MDH1: variants seen among roughly 807,000 people sequenced by gnomAD.
MDH1 encodes the protein malate dehydrogenase 1, also known as malate dehydrogenase, cytoplasmic.
Under a neutral mutation model 38.7 loss-of-function variants are expected in MDH1, and 15 were observed. That is an observed-to-expected ratio of 0.39 (90% confidence interval 0.26 to 0.60). The LOEUF is 0.60. Ranked by LOEUF, MDH1 falls within the 20% of genes least tolerant of loss-of-function variation. The pLI is 0.56. For missense variants in MDH1, 368 were observed against 405.2 expected, an observed-to-expected ratio of 0.91 and a Z score of 0.79; for synonymous variants, 144 against 143.6, an observed-to-expected ratio of 1.00 and a Z score of -0.02.
intron 1 of MDH1, chr2:63,593,520 C>T (rs1709242265): frequency 2.1e-6 from 1 of 470,542 alleles, no homozygotes; most frequent in Admixed American, 2.4e-5. Context: ...GCTATCCATC[C>T]TTGTTTCGTC....
At chr2:63,606,206 A>AC (rs1266648321) in intron 8 of MDH1, among the ~76,000 whole-genome samples, 178 bp downstream of exon 8, 97 of 152,126 alleles carry the variant, frequency 6.4e-4, no homozygotes, top group African/African-American at 2.2e-3. Context: ...ACATAGTGAG[A>AC]CCCCCTCTCT....
chr2:63,595,493 A>G lies in MDH1; in HGVS notation c.173A>G (p.Gln58Arg). The change falls in exon 3 of 9, where the codon CAA becomes CGA. Residue 58 changes from glutamine to arginine, a missense_variant. Coordinates refer to ENST00000233114, the MANE Select transcript of MDH1 (RefSeq NM_005917.4). ...GVLDGVLMEL[Q>R]DCALPLLKDV... ...CTGGACGGTGTCCTAATGGAACTGC[A>G]AGACTGTGCCCTTCCCCTCCTGAAA... 2 of 1,611,930 alleles carry G rather than the reference A, an allele frequency of 1.2e-6. No homozygotes were observed. The highest frequency in any genetic ancestry group is 8.5e-7 in the Non-Finnish European group (1 of 1,178,022).
At chr2:63,594,056 G>A (rs1709255386) in intron 1 of MDH1, among the ~76,000 whole-genome samples, 1 of 152,094 alleles carries the variant, frequency 6.6e-6, no homozygotes, top group Non-Finnish European at 1.5e-5. Context: ...AAATGTTTTG[G>A]CTCAATGTAA....
chr2:63,602,556 AT>A (rs1036670540), intron 5 of MDH1, among the ~76,000 whole-genome samples: 27 of 151,834 alleles, frequency 1.8e-4, no homozygotes, highest in African/African-American at 5.3e-4. Context: ...ATATTCACTT[AT>A]TTTTTTCTGT....
chr2:63,597,436 A>G lies in MDH1; in HGVS notation c.237A>G (p.Lys79=), dbSNP rs760693236. Residue 79 remains lysine (K), a synonymous_variant, in exon 4 of 9, where the codon AAA becomes AAG. Transcript: ENST00000233114. ...IATDKEDVAF[K]DLDVAILVGS... Reference sequence around the variant, plus strand: ...CAGATAAAGAAGACGTTGCCTTCAAAGACCTGGATGTGGCCATTCTTGTGG... The same window carrying G: ...CAGATAAAGAAGACGTTGCCTTCAAGGACCTGGATGTGGCCATTCTTGTGG... 3 of 1,458,810 alleles carry G rather than the reference A, an allele frequency of 2.1e-6. No homozygotes were observed. Among genetic ancestry groups the G allele is most frequent in the Non-Finnish European group, 2.7e-6 (3 of 1,094,640 alleles). The allele number at this position is 1,458,810 out of a possible 1,614,324, so 90.4% of individuals were successfully genotyped here.
rs377751092 is a variant in MDH1, at chr2:63,598,918, A to G, written c.376-252A>G. Among the ~76,000 whole-genome samples the G allele has an allele frequency of 7.3e-5, 11 of 151,428 alleles. No individual in the cohort carries two copies. In the East Asian group the frequency reaches 1.2e-3, roughly 16 times the overall value. ...TACCAAAAAAAAAAAAAAAAAAGAT[A>G]TATGGGAGTCAGTCTCTGTAATATG... On this transcript the variant is annotated intron_variant, in intron 4 of 8. Coordinates refer to ENST00000233114, the MANE Select transcript of MDH1 (RefSeq NM_005917.4).
chr2:63,605,744 T>C, intron 7 of MDH1, 195 bp from the exon 8 acceptor site: 1 of 609,000 alleles, frequency 1.6e-6, no homozygotes, highest in Admixed American at 2.9e-5. Context: ...ACTTCACATA[T>C]GATATGGAAG....
chr2:63,597,701 C>T (rs912591335), intron 4 of MDH1, 127 bp downstream of exon 4: 12 of 824,492 alleles, frequency 1.5e-5, no homozygotes, highest in Non-Finnish European at 2.0e-5. Context: ...GTAAATACGG[C>T]TCTAGAGTTT....
chr2:63,597,279 C>T, intron 3 of MDH1, 120 bp from the exon 4 acceptor site: 2 of 1,248,464 alleles, frequency 1.6e-6, no homozygotes, highest in Non-Finnish European at 2.0e-6. Context: ...AAATGTATAT[C>T]AGTGTGATAT....
At chr2:63,591,131 C>T (rs79917717) in intron 1 of MDH1, among the ~76,000 whole-genome samples, 1 of 152,372 alleles carries the variant, frequency 6.6e-6, no homozygotes, top group East Asian at 1.9e-4. Context: ...GCAGGAAAGT[C>T]ATTGGTGCCC....
chr2:63,602,742 T>G (rs1221457445), intron 5 of MDH1, among the ~76,000 whole-genome samples: 1 of 152,096 alleles, frequency 6.6e-6, no homozygotes, highest in Non-Finnish European at 1.5e-5. Context: ...CCTCTATAAT[T>G]TTGTCATTTT....
Position 63,599,700 on chromosome 2 carries a change from G to T in MDH1, c.498+408G>T, listed in dbSNP as rs77976576. ...GTGTGGTTCTGCTTCTATTTTAGCTGCAGCTAAGCCATCAAATTCAGATTT... is the reference window on the plus strand; with the variant it reads ...GTGTGGTTCTGCTTCTATTTTAGCTTCAGCTAAGCCATCAAATTCAGATTT... On this transcript the variant is annotated intron_variant, in intron 5 of 8. Coordinates refer to ENST00000233114, the MANE Select transcript of MDH1 (RefSeq NM_005917.4). 8.4e-3 allele frequency: 1,282 copies of T among 152,358 alleles called. 4 individuals are homozygous for T. The highest frequency in any genetic ancestry group is 0.013 in the Non-Finnish European group (900 of 68,120). 9.4% of individuals were successfully genotyped at this position (152,358 alleles called of 1,614,324 possible).
At chr2:63,595,058 T>A in intron 2 of MDH1, 1 of 312,888 alleles carries the variant, frequency 3.2e-6, no homozygotes, top group Non-Finnish European at 6.0e-6. Flanking sequence ...CCATGGATAC[T>A]GAATTATTCT....
chr2:63,589,092 C>T, intron 1 of MDH1, 46 bp downstream of exon 1: 1 of 1,614,170 alleles, frequency 6.2e-7, no homozygotes, highest in Non-Finnish European at 8.5e-7. Flanking sequence ...CCCTCGCGCC[C>T]TTGAGTGGGG....
In MDH1 at chr2:63,594,591, G is replaced by T; in HGVS notation, c.102+5G>T. 6.3e-7 allele frequency: 1 copy of T among 1,585,784 alleles called. No homozygotes were observed. The highest frequency in any genetic ancestry group is 8.7e-7 in the Non-Finnish European group (1 of 1,155,702). ...TCTGTCTTTGGTAAAGATCAGGTAG[G>T]AACAGGTGTCTATAAATCTTAAGTT... On this transcript the variant is annotated splice_donor_5th_base_variant and intron_variant, in intron 2 of 8. Coordinates refer to ENST00000233114, the MANE Select transcript of MDH1 (RefSeq NM_005917.4).
intron 8 of MDH1, 122 bp from the exon 9 acceptor site, chr2:63,606,740 T>G: frequency 1.8e-6 from 1 of 556,854 alleles, no homozygotes; most frequent in Non-Finnish European, 2.8e-6. Flanking sequence ...AATCTGGATT[T>G]TTATTTACTT....
intron 5 of MDH1, chr2:63,599,758 A>G (rs1244735800): frequency 2.6e-5 from 4 of 152,356 alleles, no homozygotes; most frequent in Non-Finnish European, 5.9e-5. Flanking sequence ...TTTTCATTTT[A>G]TGTCTTTTTA....
chr2:63,589,279 G>T (rs1709098108), intron 1 of MDH1: 3 of 1,551,108 alleles, frequency 1.9e-6, no homozygotes, highest in East Asian at 4.9e-5. Context: ...AGAAGTAGTT[G>T]TCCTGGGAGA....
chr2:63,589,497 A>G (rs554173052), intron 1 of MDH1: 238 of 997,512 alleles, frequency 2.4e-4, no homozygotes, highest in Non-Finnish European at 3.4e-4. Context: ...CTGGAAAGGT[A>G]GTATTTACCA....
Sources: gnomAD v4.1 joint callset for allele counts (sites outside exome capture counted in the v4.1 genomes callset) on GRCh38, gnomAD v4.1.1 for gene constraint, MANE v1.5 for transcripts, NCBI Gene and HGNC (gene_info 2026-07-23, HGNC 2026-07-21) for gene names.